Variants in CNTN3 observed in about 807,000 individuals in gnomAD.
The protein encoded by CNTN3 is contactin-3.
A neutral mutation model predicts 119.1 loss-of-function variants in CNTN3; 60 were observed. That is an observed-to-expected ratio of 0.50 (90% CI 0.41 to 0.62). CNTN3 has a LOEUF of 0.62. Among genes scored for constraint, CNTN3 ranks in the 20% least tolerant of loss-of-function variants. CNTN3 has a pLI of 0.00. For synonymous variants in CNTN3, 450 were observed against 438.7 expected, an observed-to-expected ratio of 1.03 and a Z score of -0.32; for missense variants, 1,101 against 1,242.4, an observed-to-expected ratio of 0.89 and a Z score of 1.71.
intron 2 of CNTN3, among the ~76,000 whole-genome samples, chr3:74,507,025 G>A (rs1413187879): frequency 1.6e-5 from 1 of 63,430 alleles, no homozygotes; most frequent in Non-Finnish European, 3.6e-5. Context: ...TAGAAAGAAT[G>A]TTTCATATCA....
chr3:74,264,790 A>G (rs1701636548), intron 22 of CNTN3, among the ~76,000 whole-genome samples: 1 of 152,148 alleles, frequency 6.6e-6, no homozygotes, highest in African/African-American at 2.4e-5. Flanking sequence ...ACTAAGACAC[A>G]GAGCAAAGGC....
Position 74,334,841 on chromosome 3 carries a change from C to A in CNTN3, c.1562G>T (p.Cys521Phe). 1 of 1,613,392 alleles carries A rather than the reference C, an allele frequency of 6.2e-7. No individual in the cohort carries two copies. The highest frequency in any genetic ancestry group is 1.7e-5 in the Admixed American group (1 of 59,964). ...TAACAGCGGGTCATGTTGTACCTGG[C>A]AGGGCAATATGACGCTTTCACCAAC... ...VSVGESVILP[C>F]QVQHDPLLDI... The change falls in exon 13 of 23, where the codon TGC becomes TTC. Residue 521 changes from cysteine to phenylalanine, a missense_variant. By Grantham distance (205) the Cys-to-Phe change is radical (BLOSUM62 -2). Transcript: ENST00000263665.
rs985570370 is a variant in CNTN3, at chr3:74,334,693, C to T, written c.1668+42G>A. ...GTTTTCAGAAGCAATGTGCCAGAGA[C>T]ACATGCAATATAAAAAGTATGAGGA... On this transcript the variant is annotated intron_variant, in intron 13 of 22. Transcript: ENST00000263665. 10 of 1,547,146 alleles carry T rather than the reference C, an allele frequency of 6.5e-6. No individual in the cohort carries two copies. In the African/African-American group the frequency reaches 1.4e-4, roughly 21 times the overall value.
chr3:74,477,665 T>C lies in CNTN3; in HGVS notation c.358+8791A>G, dbSNP rs149799409. On this transcript the variant is annotated intron_variant, in intron 4 of 22. Coordinates refer to ENST00000263665, the MANE Select transcript of CNTN3 (RefSeq NM_020872.3). Reference sequence around the variant, plus strand: ...AGTTAGACAGAATAAGATGTGCTAATTGCACATTTTAAAATAACTGAGAGT... The same window carrying C: ...AGTTAGACAGAATAAGATGTGCTAACTGCACATTTTAAAATAACTGAGAGT... Among the ~76,000 whole-genome samples the C allele has an allele frequency of 1.5e-3, 222 of 152,164 alleles. 1 individual carries two copies. Among genetic ancestry groups the C allele is most frequent in the African/African-American group, 4.7e-3 (196 of 41,528 alleles).
rs1278397507 is a variant in CNTN3, at chr3:74,334,816, T to TA, written c.1586dup (p.Leu529PhefsTer17). On this transcript the variant is annotated frameshift_variant, in exon 13 of 23. Coordinates refer to ENST00000263665, the MANE Select transcript of CNTN3 (RefSeq NM_020872.3). LOFTEE classifies it high-confidence loss of function. The stretch of plus-strand genomic sequence containing the variant: ...TGAAATACCAGGTAAAGATGATGTC[T>TA]AACAGCGGGTCATGTTGTACCTGGC... 1 of 1,613,590 alleles carries TA rather than the reference T, an allele frequency of 6.2e-7. No homozygotes were observed. The highest frequency in any genetic ancestry group is 8.5e-7 in the Non-Finnish European group (1 of 1,179,606).
chr3:74,269,529 T>C (rs954304541), intron 20 of CNTN3, among the ~76,000 whole-genome samples: 2 of 152,152 alleles, frequency 1.3e-5, no homozygotes, highest in African/African-American at 4.8e-5. Flanking sequence ...TTATATTGCA[T>C]TGTAATAAAG....
intron 2 of CNTN3, 139 bp from the exon 3 acceptor site, chr3:74,499,924 CATTGTTTTGTTAAAGGAAATCA>C: frequency 1.3e-6 from 1 of 740,934 alleles, no homozygotes; most frequent in Non-Finnish European, 2.0e-6. Context: ...GCTCTGTAGA[CATTGTTTTGTTAAAGGAAATCA>C]ATTAACCCAC....
intron 2 of CNTN3, among the ~76,000 whole-genome samples, chr3:74,508,695 A>T (rs1703309833): frequency 1.3e-5 from 2 of 151,888 alleles, no homozygotes; most frequent in African/African-American, 4.8e-5. Flanking sequence ...ATTCCATCTG[A>T]TGTGCTTTAT....
chr3:74,435,045 C>G (rs1701843599), intron 4 of CNTN3, among the ~76,000 whole-genome samples: 2 of 152,198 alleles, frequency 1.3e-5, no homozygotes, highest in African/African-American at 4.8e-5. Context: ...ACCAGTTTGG[C>G]TCTTTCTTTT....
intron 4 of CNTN3, among the ~76,000 whole-genome samples, chr3:74,444,031 G>T (rs1236350688): frequency 6.6e-6 from 1 of 152,126 alleles, no homozygotes; most frequent in Admixed American, 6.6e-5. Flanking sequence ...TCTGGTAGTT[G>T]CTGGCAAACT....
At chr3:74,358,106 C>A (rs1321999364) in intron 11 of CNTN3, among the ~76,000 whole-genome samples, 7 of 152,164 alleles carry the variant, frequency 4.6e-5, no homozygotes, top group Admixed American at 4.6e-4. Flanking sequence ...TTCTAGCAGG[C>A]TTCTCCCTAA....
chr3:74,581,115 ATACT>A (rs1704497747), intron 1 of CNTN3, among the ~76,000 whole-genome samples: 2 of 152,226 alleles, frequency 1.3e-5, no homozygotes, highest in African/African-American at 4.8e-5. Flanking sequence ...ACTCACCATT[ATACT>A]AAAGGTCCTA....
At chr3:74,367,957 G>C (rs1200067844) in intron 8 of CNTN3, among the ~76,000 whole-genome samples, 1 of 152,022 alleles carries the variant, frequency 6.6e-6, no homozygotes, top group Non-Finnish European at 1.5e-5. Context: ...TGGGGCCTTA[G>C]AGCTGGACAG....
chr3:74,406,938 C>T (rs1449660866), intron 5 of CNTN3, among the ~76,000 whole-genome samples: 1 of 152,140 alleles, frequency 6.6e-6, no homozygotes. Flanking sequence ...AAAATGATAA[C>T]TCTACCTTGT....
chr3:74,318,841 T>C (rs1444386899), intron 13 of CNTN3, among the ~76,000 whole-genome samples: 1 of 152,170 alleles, frequency 6.6e-6, no homozygotes, highest in Admixed American at 6.5e-5. Flanking sequence ...CGTTCTCAGA[T>C]TTCCAGCTGC....
chr3:74,450,092 T>C (rs1416607564), intron 4 of CNTN3, among the ~76,000 whole-genome samples: 1 of 152,074 alleles, frequency 6.6e-6, no homozygotes, highest in East Asian at 1.9e-4. Flanking sequence ...GGGAGGCTAA[T>C]GAAAATGAAA....
chr3:74,319,750 T>A (rs1473917336), intron 13 of CNTN3, among the ~76,000 whole-genome samples: 7 of 150,590 alleles, frequency 4.6e-5, no homozygotes, highest in African/African-American at 1.5e-4. Context: ...TGGGAAAAAA[T>A]TTTCGCAACC....
intron 5 of CNTN3, among the ~76,000 whole-genome samples, chr3:74,413,349 C>T (rs763856472): frequency 1.2e-4 from 19 of 152,152 alleles, no homozygotes; most frequent in African/African-American, 4.1e-4. Context: ...TGAAAGCTGA[C>T]GGATGCAGAG....
chr3:74,419,364 A>G (rs1307761392), intron 5 of CNTN3, among the ~76,000 whole-genome samples: 2 of 150,206 alleles, frequency 1.3e-5, no homozygotes, highest in Admixed American at 1.3e-4. Context: ...ACCTGAGCTG[A>G]CTTCTGTTTT....
Sources: gnomAD v4.1 joint callset for allele counts (sites outside exome capture counted in the v4.1 genomes callset) on GRCh38, gnomAD v4.1.1 for gene constraint, MANE v1.5 for transcripts, NCBI Gene and HGNC (gene_info 2026-07-23, HGNC 2026-07-21) for gene names.